Variants in PNN observed in about 807,000 individuals in gnomAD.
The protein encoded by PNN is pinin.
A neutral mutation model predicts 76.6 loss-of-function variants in PNN; 38 were observed. That is an observed-to-expected ratio of 0.50 (90% confidence interval 0.38 to 0.65). The LOEUF is 0.65. Among genes scored for constraint, PNN ranks in the 30% least tolerant of loss-of-function variants. PNN has a pLI of 0.00. For synonymous variants in PNN, 366 were observed against 283.7 expected (o/e 1.29, Z -2.91); for missense variants, 873 against 874.1 (o/e 1.00, Z 0.02).
intron 6 of PNN, among the ~76,000 whole-genome samples, chr14:39,178,576 T>TC: frequency 6.6e-6 from 1 of 151,976 alleles, no homozygotes; most frequent in East Asian, 1.9e-4. Flanking sequence ...CTTTTTTTTT[T>TC]CTTTTTCTTT....
At chr14:39,178,877 T>C in intron 6 of PNN, 1 of 447,940 alleles carries the variant, frequency 2.2e-6, no homozygotes. Flanking sequence ...TAGCTGGGAT[T>C]ATAGGTGCGT....
In PNN at chr14:39,176,157, T is replaced by C. The variant is rs774004118; in HGVS notation, c.185+8T>C. The C allele has an allele frequency of 6.5e-7, 1 of 1,536,742 alleles. No individual in the cohort carries two copies. The highest frequency in any genetic ancestry group is 1.7e-5 in the Admixed American group (1 of 59,876). ...TGGTAGTTTATTACTGAGGTAAGAT[T>C]TCCTTTGGACTTTACTCATGCTGAA... On this transcript the variant is annotated splice_region_variant and intron_variant, in intron 2 of 8. Transcript: ENST00000216832.
chr14:39,182,582 T>C lies in PNN; in HGVS notation c.*719T>C, dbSNP rs775874437. 6.6e-6 allele frequency: 1 copy of C among 152,526 alleles called. No homozygotes were observed. Among genetic ancestry groups the C allele is most frequent in the South Asian group, 2.1e-4 (1 of 4,830 alleles). The allele number at this position is 152,526 out of a possible 1,614,324, so 9.4% of individuals were successfully genotyped here. On this transcript the variant is annotated 3_prime_UTR_variant, in exon 9 of 9. Coordinates refer to ENST00000216832, the MANE Select transcript of PNN (RefSeq NM_002687.4). ...TCCTGATGATGGGAGCGTCATTCTT[T>C]TGTCTTCATGGTTACTTGTGTGATA...
Position 39,182,788 on chromosome 14 carries a change from TGAAG to T in PNN, c.*930_*933del, listed in dbSNP as rs1314074068. 6.5e-6 allele frequency: 1 copy of T among 152,674 alleles called. No homozygotes were observed. Among genetic ancestry groups the T allele is most frequent in the Non-Finnish European group, 1.5e-5 (1 of 68,026 alleles). The allele number at this position is 152,674 out of a possible 1,614,324, so 9.5% of individuals were successfully genotyped here. A position where few individuals can be genotyped will look rare whatever the true frequency, so the allele number is the denominator to read the frequency against. Reference sequence around the variant, plus strand: ...AAGTATTGTATGGAAGTCCACAAAATGAAGGAAGTTCATCTAGGTTTTAATATGT... The same window carrying T: ...AAGTATTGTATGGAAGTCCACAAAATGAAGTTCATCTAGGTTTTAATATGT... On this transcript the variant is annotated 3_prime_UTR_variant, in exon 9 of 9. Coordinates refer to ENST00000216832, the MANE Select transcript of PNN (RefSeq NM_002687.4).
chr14:39,181,610 G>A lies in PNN; in HGVS notation c.1901G>A (p.Arg634Gln), dbSNP rs199650461. 25 of 1,613,964 alleles carry A rather than the reference G, an allele frequency of 1.5e-5. No homozygotes were observed. The highest frequency in any genetic ancestry group is 1.6e-4 in the Middle Eastern group (1 of 6,082). The stretch of plus-strand genomic sequence containing the variant: ...AGTAGTAGTAGTGAGAGTAGAAGTC[G>A]GAGTAGGGGCCGGGGACATAATAGA... Reference protein sequence around the residue: ...STSSSSESRSRSRGRGHNRDR... With the variant: ...STSSSSESRSQSRGRGHNRDR... Residue 634 changes from arginine (R) to glutamine (Q), a missense_variant, in exon 9 of 9, where the codon CGG (arginine) becomes CAG (glutamine). This residue lies in a region of PNN where 712 missense variants were observed against 693.1 expected (regional missense o/e 1.03). Coordinates refer to ENST00000216832, the MANE Select transcript of PNN (RefSeq NM_002687.4).
chr14:39,176,179 T>C, intron 2 of PNN, 30 bp downstream of exon 2: 1 of 1,187,198 alleles, frequency 8.4e-7, no homozygotes, highest in Non-Finnish European at 1.3e-6. Context: ...TTACTCATGC[T>C]GAAACTACTG....
Position 39,181,505 on chromosome 14 carries a change from G to A in PNN, c.1796G>A (p.Gly599Glu). 1 of 1,601,104 alleles carries A rather than the reference G, an allele frequency of 6.2e-7. No individual in the cohort carries two copies. Residue 599 changes from glycine to glutamate, a missense_variant, in exon 9 of 9, where the codon GGA becomes GAA. Physicochemically the swap from Gly to Glu is moderately conservative, Grantham distance 98. Coordinates refer to ENST00000216832, the MANE Select transcript of PNN (RefSeq NM_002687.4). Reference sequence around the variant, plus strand: ...AGCAGTGGAAGTAGTTCCAGCAGTGGAAGTAGTAGCAGTCGCAGTAGTTCC... The same window carrying A: ...AGCAGTGGAAGTAGTTCCAGCAGTGAAAGTAGTAGCAGTCGCAGTAGTTCC... ...SSSSGSSSSS[G>E]SSSSRSSSSS... is the part of the protein sequence containing the mutation.
Position 39,180,894 on chromosome 14 carries a change from T to C in PNN, c.1185T>C (p.Asn395=). Residue 395 remains asparagine (N), a synonymous_variant, in exon 9 of 9, where the codon AAT becomes AAC. Coordinates refer to ENST00000216832, the MANE Select transcript of PNN (RefSeq NM_002687.4). ...TGGATGTGCTAGAGATGGTTGAGAA[T>C]GTCAAACATGTAATTGCTGACCAGG... The part of the protein sequence containing the change: ...EVMDVLEMVE[N]VKHVIADQEV... 6.2e-7 allele frequency: 1 copy of C among 1,614,118 alleles called. No individual in the cohort carries two copies. Among genetic ancestry groups the C allele is most frequent in the Non-Finnish European group, 8.5e-7 (1 of 1,179,996 alleles).
In PNN at chr14:39,182,005, T is replaced by G. The variant is rs2053274197; in HGVS notation, c.*142T>G. On this transcript the variant is annotated 3_prime_UTR_variant, in exon 9 of 9. Transcript: ENST00000216832. Reference sequence around the variant, plus strand: ...TTTTTGGAAAATACAGACTGTTTGTTTACCAGACATTCTTGTACTTTTTGC... The same window carrying G: ...TTTTTGGAAAATACAGACTGTTTGTGTACCAGACATTCTTGTACTTTTTGC... 2.7e-6 allele frequency: 2 copies of G among 743,084 alleles called. No individual in the cohort carries two copies. Among genetic ancestry groups the G allele is most frequent in the East Asian group, 5.7e-5 (2 of 34,966 alleles). 46.0% of individuals were successfully genotyped at this position (743,084 alleles called of 1,614,324 possible). A position where few individuals can be genotyped will look rare whatever the true frequency, so the allele number is the denominator to read the frequency against.
At chr14:39,178,698 C>T (rs1309269087) in intron 6 of PNN, among the ~76,000 whole-genome samples, 1 of 149,130 alleles carries the variant, frequency 6.7e-6, no homozygotes, top group Admixed American at 6.7e-5. Flanking sequence ...GCCACTGTGC[C>T]CGGCCTGCAG....
Position 39,180,650 on chromosome 14 carries a change from A to G in PNN, c.941A>G (p.Gln314Arg), listed in dbSNP as rs749906070. Residue 314 changes from glutamine (Q) to arginine (R), a missense_variant, in exon 9 of 9, where the codon CAG (glutamine) becomes CGG (arginine). Coordinates refer to ENST00000216832, the MANE Select transcript of PNN (RefSeq NM_002687.4). ...GAACAAGAAGAGGGTAAGGTGGCTC[A>G]GCGAGAGGAAGAGTTGGAGGAGACA... Reference protein sequence around the residue: ...KAEQEEGKVAQREEELEETGN... With the variant: ...KAEQEEGKVARREEELEETGN... The G allele has an allele frequency of 1.2e-5, 20 of 1,613,140 alleles. No individual in the cohort carries two copies. The highest frequency in any genetic ancestry group is 1.6e-5 in the Non-Finnish European group (19 of 1,179,528).
Position 39,183,068 on chromosome 14 carries a change from C to T in PNN, c.*1205C>T, listed in dbSNP as rs1410040168. ...TGACTTTGAATATTCATTTTGCCTTCCCTTGACAAGTAAATGGTTACAGTG... is the reference window on the plus strand; with the variant it reads ...TGACTTTGAATATTCATTTTGCCTTTCCTTGACAAGTAAATGGTTACAGTG... On this transcript the variant is annotated 3_prime_UTR_variant, in exon 9 of 9. Transcript: ENST00000216832. 2 of 152,620 alleles carry T rather than the reference C, an allele frequency of 1.3e-5. No individual in the cohort carries two copies. Among genetic ancestry groups the T allele is most frequent in the African/African-American group, 4.8e-5 (2 of 41,444 alleles). The allele number at this position is 152,620 out of a possible 1,614,324, so 9.5% of individuals were successfully genotyped here. A position where few individuals can be genotyped will look rare whatever the true frequency, so the allele number is the denominator to read the frequency against.
chr14:39,181,767 CAGAA>C lies in PNN; in HGVS notation c.2062_2065del (p.Lys688GlyfsTer61), dbSNP rs746878210. 6.2e-6 allele frequency: 10 copies of C among 1,613,924 alleles called. No homozygotes were observed. Among genetic ancestry groups the C allele is most frequent in the South Asian group, 1.1e-5 (1 of 91,086 alleles). On this transcript the variant is annotated frameshift_variant, in exon 9 of 9. Transcript: ENST00000216832. LOFTEE classifies it high-confidence loss of function. ...CAAAGGATAAGAATTCCCGGTCCGA[CAGAA>C]AGAGGTCTATATCAGAGAGTAGTCG...
intron 6 of PNN, 27 bp downstream of exon 6, chr14:39,177,943 C>T (rs1340980166): frequency 6.5e-6 from 9 of 1,388,244 alleles, no homozygotes; most frequent in South Asian, 1.2e-5. Flanking sequence ...TGTTTTGCAT[C>T]ATATATTTAA....
At position 39,179,395 on chromosome 14, in the gene PNN, T is replaced by C; in HGVS notation, c.726T>C (p.Phe242=). The C allele has an allele frequency of 6.2e-7, 1 of 1,612,634 alleles. No individual in the cohort carries two copies. ...YIRTKTKPHL[F]YIPGRMCPAT... ...GAACTAAGACAAAGCCCCATTTGTT[T>C]TATATTCCTGGAAGAATGTGTCCAG... Residue 242 remains phenylalanine, a synonymous_variant, in exon 8 of 9, where the codon TTT becomes TTC. Transcript: ENST00000216832.
At position 39,181,117 on chromosome 14, in the gene PNN, C is replaced by T. The variant is rs2053266351; in HGVS notation, c.1408C>T (p.Pro470Ser). The T allele has an allele frequency of 1.9e-6, 3 of 1,612,516 alleles. No individual in the cohort carries two copies. Among genetic ancestry groups the T allele is most frequent in the Non-Finnish European group, 2.5e-6 (3 of 1,178,576 alleles). Reference sequence around the variant, plus strand: ...AGAAGAAAAAGAATCTGAGCCCCAACCTGAGCCTGTGGCTCAACCTCAGCC... The same window carrying T: ...AGAAGAAAAAGAATCTGAGCCCCAATCTGAGCCTGTGGCTCAACCTCAGCC... The part of the protein sequence containing the change: ...EKEEKESEPQ[P>S]EPVAQPQPQS... The change falls in exon 9 of 9, where the codon CCT (proline) becomes TCT (serine). Residue 470 changes from proline to serine, a missense_variant. Physicochemically the swap from Pro to Ser is moderately conservative, Grantham distance 74. Around this residue, in one of 3 missense-constraint regions of PNN, gnomAD observed 712 missense variants for 693.1 expected, o/e 1.03. Transcript: ENST00000216832.
intron 2 of PNN, 36 bp from the exon 3 acceptor site, chr14:39,176,491 T>C (rs1358653206): frequency 4.9e-6 from 7 of 1,423,956 alleles, no homozygotes; most frequent in South Asian, 1.2e-5. Context: ...TTATCTTGTA[T>C]TTCAAGTGTT....
chr14:39,176,302 T>C (rs1048604591), intron 2 of PNN, 153 bp downstream of exon 2: 5 of 635,406 alleles, frequency 7.9e-6, no homozygotes, highest in African/African-American at 3.7e-5. Flanking sequence ...TGTATAAATA[T>C]AGTTATCCTG....
chr14:39,176,986 A>G (rs1356088507), intron 3 of PNN, among the ~76,000 whole-genome samples: 1 of 152,236 alleles, frequency 6.6e-6, no homozygotes, highest in Admixed American at 6.5e-5. Flanking sequence ...AGGAAAGAAT[A>G]AAATGGGATG....
Sources: allele counts gnomAD v4.1 joint callset (sites outside exome capture counted in the v4.1 genomes callset), GRCh38; gene constraint gnomAD v4.1.1; regional missense constraint gnomAD v4.1.1; transcripts MANE v1.5; gene names NCBI Gene and HGNC (gene_info 2026-07-23, HGNC 2026-07-21).